OPTN: variants seen among roughly 807,000 people sequenced by gnomAD.
OPTN encodes the protein optineurin.
OPTN carries 54 observed loss-of-function variants against 70.4 expected under a neutral mutation model. That is an observed-to-expected ratio of 0.77 (90% CI 0.62 to 0.96). The LOEUF (loss-of-function observed/expected upper bound fraction) is 0.96. Ranked by LOEUF, OPTN falls within the 40% of genes least tolerant of loss-of-function variation. The probability of loss-of-function intolerance (pLI) is 0.00; values close to 1 mark genes in which losing one functional copy is unlikely to be tolerated. For missense variants in OPTN, 624 were observed against 673.2 expected (o/e 0.93, Z 0.81); for synonymous variants, 256 against 248.5 (o/e 1.03, Z -0.28).
At chr10:13,136,069 C>T (rs1352943920) in intron 14 of OPTN, among the ~76,000 whole-genome samples, 3 of 152,016 alleles carry the variant, frequency 2.0e-5, no homozygotes, top group African/African-American at 4.8e-5. Context: ...TGCCTGTAGT[C>T]GCAGCTATTC....
At chr10:13,133,441 A>T in intron 13 of OPTN, 61 bp from the exon 14 acceptor site, 1 of 1,382,738 alleles carries the variant, frequency 7.2e-7, no homozygotes, top group African/African-American at 1.4e-5. Flanking sequence ...CTGTCTGCTC[A>T]GTGTTGTCAT....
rs951145992 is a variant in OPTN, at chr10:13,100,234, G to T, written c.-232G>T. On this transcript the variant is annotated 5_prime_UTR_variant, in exon 1 of 15. Transcript: ENST00000378747. ...CCCTGGTCAGCGTCCCATCCCGGTC[G>T]GGAGTTCTCTCCAGGCGGCACGATG... 2 of 154,074 alleles carry T rather than the reference G, an allele frequency of 1.3e-5. No individual in the cohort carries two copies. The highest frequency in any genetic ancestry group is 3.8e-4 in the South Asian group (2 of 5,328). The allele number at this position is 154,074 out of a possible 1,614,324, so 9.5% of individuals were successfully genotyped here.
intron 1 of OPTN, chr10:13,104,675 A>G: frequency 5.8e-6 from 4 of 690,358 alleles, no homozygotes; most frequent in South Asian, 2.7e-5. Context: ...ACATTCATCT[A>G]TCACAAGATT....
intron 12 of OPTN, among the ~76,000 whole-genome samples, chr10:13,129,600 C>T (rs1039503208): frequency 7.2e-5 from 11 of 152,154 alleles, no homozygotes; most frequent in Admixed American, 7.2e-4. Flanking sequence ...ATCTGCCCAG[C>T]TGGGATTACG....
chr10:13,121,155 A>G (rs1833340272), intron 7 of OPTN, among the ~76,000 whole-genome samples: 2 of 152,266 alleles, frequency 1.3e-5, no homozygotes, highest in South Asian at 4.1e-4. Flanking sequence ...GCCTAACCAT[A>G]TGAGGAAGGA....
rs1390208501 is a variant in OPTN, at chr10:13,103,474, A to G, written c.-164+3172A>G. 4.6e-5 allele frequency among the ~76,000 whole-genome samples: 7 copies of G among 152,322 alleles called. No individual in the cohort carries two copies. The East Asian group carries it at 1.4e-3, about 29-fold the overall frequency. On this transcript the variant is annotated intron_variant, in intron 1 of 14. Transcript: ENST00000378747. ...TAAGGCAGGTACCATTTGACACATT[A>G]TGACTTTCTGACCACTAGAGCCATC...
At chr10:13,110,220 C>T (rs1279793210) in intron 3 of OPTN, 54 bp from the exon 4 acceptor site, 7 of 1,600,748 alleles carry the variant, frequency 4.4e-6, no homozygotes, top group Non-Finnish European at 6.0e-6. Flanking sequence ...TTTGGTTCAT[C>T]AGATCAAGTC....
intron 11 of OPTN, among the ~76,000 whole-genome samples, chr10:13,126,738 T>C (rs1006040673): frequency 1.3e-5 from 2 of 152,038 alleles, no homozygotes; most frequent in African/African-American, 4.8e-5. Flanking sequence ...TTTAAATTCA[T>C]AATAATGGAC....
chr10:13,130,062 T>C (rs549903376), intron 12 of OPTN, among the ~76,000 whole-genome samples: 40 of 152,328 alleles, frequency 2.6e-4, no homozygotes, highest in African/African-American at 7.9e-4. Context: ...ATTCTAGACA[T>C]AGACATTTGT....
intron 6 of OPTN, 84 bp downstream of exon 6, chr10:13,116,424 G>A: frequency 1.1e-6 from 1 of 886,136 alleles, no homozygotes; most frequent in South Asian, 1.3e-5. Flanking sequence ...GTCAAATGTT[G>A]TGACCTGAGG....
chr10:13,133,758 G>A (rs1412533887), intron 14 of OPTN, among the ~76,000 whole-genome samples, 177 bp downstream of exon 14: 1 of 152,008 alleles, frequency 6.6e-6, no homozygotes, highest in Admixed American at 6.6e-5. Context: ...ACCGAATCCA[G>A]ACCAGACCCT....
chr10:13,114,806 A>ATACAAT (rs1564358820), intron 5 of OPTN, among the ~76,000 whole-genome samples: 4 of 19,758 alleles, frequency 2.0e-4, no homozygotes, highest in Non-Finnish European at 4.8e-4. Flanking sequence ...ATATATACAT[A>ATACAAT]TATATAATTA....
intron 5 of OPTN, among the ~76,000 whole-genome samples, chr10:13,115,532 T>G (rs1468686351): frequency 1.7e-5 from 2 of 120,012 alleles, no homozygotes; most frequent in African/African-American, 3.3e-5. Flanking sequence ...CTATAATATA[T>G]AATATAGAAT....
chr10:13,125,826 G>A, intron 10 of OPTN, 120 bp from the exon 11 acceptor site: 1 of 815,782 alleles, frequency 1.2e-6, no homozygotes, highest in Admixed American at 2.2e-5. Flanking sequence ...GTAGGTCGTG[G>A]GGTGATAAAG....
At chr10:13,112,408 C>T (rs1205411056) in intron 4 of OPTN, 45 bp from the exon 5 acceptor site, 1 of 1,583,428 alleles carries the variant, frequency 6.3e-7, no homozygotes, top group East Asian at 2.2e-5. Context: ...TGGTGCCCAG[C>T]CTTAGTTTGA....
chr10:13,137,276 C>T lies in OPTN; in HGVS notation c.*410C>T. The T allele has an allele frequency of 1.6e-5, 5 of 314,958 alleles. No individual in the cohort carries two copies. The South Asian group carries it at 2.5e-4, about 16-fold the overall frequency. 19.5% of individuals were successfully genotyped at this position (314,958 alleles called of 1,614,324 possible). ...CCTGGGTGACAGAGGGAGACTCTGT[C>T]TCGAAAGAAAGAAAGAAAAAAAGGA... On this transcript the variant is annotated 3_prime_UTR_variant, in exon 15 of 15. Transcript: ENST00000378747.
At chr10:13,119,865 C>G (rs1833303176) in intron 7 of OPTN, among the ~76,000 whole-genome samples, 1 of 152,058 alleles carries the variant, frequency 6.6e-6, no homozygotes, top group South Asian at 2.1e-4. Flanking sequence ...TATTCAGAGC[C>G]TTTGCCCATT....
intron 10 of OPTN, 68 bp from the exon 11 acceptor site, chr10:13,125,878 G>T: frequency 8.6e-7 from 1 of 1,164,860 alleles, no homozygotes; most frequent in South Asian, 1.3e-5. Flanking sequence ...CAGAAGGTTG[G>T]GAGGCAAGAC....
intron 1 of OPTN, among the ~76,000 whole-genome samples, chr10:13,101,407 CA>C (rs1832743643): frequency 2.3e-5 from 3 of 130,386 alleles, no homozygotes; most frequent in African/African-American, 6.1e-5. Flanking sequence ...CCCACCCCCC[CA>C]CCCACCCCCG....
Sources: allele counts gnomAD v4.1 joint callset (sites outside exome capture counted in the v4.1 genomes callset), GRCh38; gene constraint gnomAD v4.1.1; transcripts MANE v1.5; gene names NCBI Gene and HGNC (gene_info 2026-07-23, HGNC 2026-07-21).